The following MITF variants were observed in gnomAD, a reference collection of about 807,000 sequenced individuals.
MITF encodes melanocyte inducing transcription factor, also known as microphthalmia-associated transcription factor.
In MITF, 17 loss-of-function variants were observed where a neutral mutation model predicts 60.5. That is an observed-to-expected ratio of 0.28 (90% CI 0.19 to 0.42). The LOEUF (loss-of-function observed/expected upper bound fraction) is 0.42. Among genes scored for constraint, MITF ranks in the 10% least tolerant of loss-of-function variants. The pLI, the probability that MITF is intolerant of heterozygous loss-of-function variation, is 1.00. For synonymous variants in MITF, 260 were observed against 248.5 expected (o/e 1.05, Z -0.43); for missense variants, 622 against 683.5 (o/e 0.91, Z 1.00).
intron 2 of MITF, among the ~76,000 whole-genome samples, chr3:69,893,248 T>G (rs1233792788): frequency 1.3e-5 from 2 of 152,202 alleles, no homozygotes; most frequent in Non-Finnish European, 2.9e-5. Context: ...TGAACCTTGT[T>G]TCCTAGACCT....
At chr3:69,848,872 G>T (rs776802810) in intron 1 of MITF, among the ~76,000 whole-genome samples, 35 of 150,452 alleles carry the variant, frequency 2.3e-4, no homozygotes, top group Non-Finnish European at 3.5e-4. Context: ...TGATTAATGA[G>T]AATAAATTAT....
At chr3:69,848,589 A>G (rs1418881390) in intron 1 of MITF, among the ~76,000 whole-genome samples, 1 of 152,160 alleles carries the variant, frequency 6.6e-6, no homozygotes, top group Non-Finnish European at 1.5e-5. Flanking sequence ...GTTTTGTACC[A>G]TTTTTCTCTT....
rs1226483236 is a variant in MITF at position 69,967,060 on chromosome 3, A to C, written c.*1812A>C. On this transcript the variant is annotated 3_prime_UTR_variant, in exon 10 of 10. Transcript: ENST00000352241. Reference sequence around the variant, plus strand: ...AAACCTTATTCAGGAGGGTTTTTAAAAAGTGTTTAAATGTCAAATGTGAAT... The same window carrying C: ...AAACCTTATTCAGGAGGGTTTTTAACAAGTGTTTAAATGTCAAATGTGAAT... 8.6e-6 allele frequency: 2 copies of C among 232,222 alleles called. No individual in the cohort carries two copies. Among genetic ancestry groups the C allele is most frequent in the East Asian group, 1.2e-4 (2 of 16,426 alleles). The allele number at this position is 232,222 out of a possible 1,614,324, so 14.4% of individuals were successfully genotyped here. A position where few individuals can be genotyped will look rare whatever the true frequency, so the allele number is the denominator to read the frequency against.
chr3:69,746,954 A>G (rs1478025454), intron 1 of MITF, among the ~76,000 whole-genome samples: 1 of 152,058 alleles, frequency 6.6e-6, no homozygotes. Flanking sequence ...TGGCTTTCTT[A>G]TTTCTTCGCT....
chr3:69,740,203 C>T (rs762142645), intron 1 of MITF, among the ~76,000 whole-genome samples: 15 of 152,104 alleles, frequency 9.9e-5, no homozygotes, highest in Non-Finnish European at 1.6e-4. Context: ...TCTTGGGAGT[C>T]CGGTCTCTGT....
At chr3:69,873,129 A>G (rs2064275590) in intron 1 of MITF, among the ~76,000 whole-genome samples, 1 of 152,220 alleles carries the variant, frequency 6.6e-6, no homozygotes, top group Non-Finnish European at 1.5e-5. Context: ...AGGTGTTGAC[A>G]GAAGTCCAGA....
chr3:69,739,534 C>A lies in MITF; in HGVS notation c.-64C>A. On this transcript the variant is annotated 5_prime_UTR_variant, in exon 1 of 10. Coordinates refer to ENST00000352241, the MANE Select transcript of MITF (RefSeq NM_001354604.2). Reference sequence around the variant, plus strand: ...GGCTCGGGGGACCCAGGCCCAGCTACCTTCCCTCCGCCCCCGGGCTCTGTT... The same window carrying A: ...GGCTCGGGGGACCCAGGCCCAGCTAACTTCCCTCCGCCCCCGGGCTCTGTT... 1 of 1,446,020 alleles carries A rather than the reference C, an allele frequency of 6.9e-7. No individual in the cohort carries two copies. The highest frequency in any genetic ancestry group is 9.5e-7 in the Non-Finnish European group (1 of 1,051,268). The allele number at this position is 1,446,020 out of a possible 1,614,324, so 89.6% of individuals were successfully genotyped here.
chr3:69,845,012 G>A (rs900884027), intron 1 of MITF, among the ~76,000 whole-genome samples: 28 of 152,116 alleles, frequency 1.8e-4, no homozygotes, highest in Admixed American at 1.3e-3. Flanking sequence ...ATGTTTAACT[G>A]TAAACCCTCT....
In MITF at chr3:69,937,951, A is replaced by T; in HGVS notation, c.484A>T (p.Asn162Tyr). ...ANQVLSLPCP[N>Y]QPGDHVMPPV... Reference sequence around the variant, plus strand: ...CCAAGTCCTGAGCTTGCCATGTCCAAACCAGCCTGGCGATCATGTCATGCC... The same window carrying T: ...CCAAGTCCTGAGCTTGCCATGTCCATACCAGCCTGGCGATCATGTCATGCC... The change falls in exon 3 of 10, where the codon AAC (asparagine) becomes TAC (tyrosine). Residue 162 changes from asparagine to tyrosine, a missense_variant. Asn to Tyr is a moderately radical substitution (Grantham distance 143, BLOSUM62 -2). This residue lies in a region of MITF where 215 missense variants were observed against 224.8 expected (regional missense o/e 0.96). Transcript: ENST00000352241. 2 of 1,614,118 alleles carry T rather than the reference A, an allele frequency of 1.2e-6. No homozygotes were observed. The highest frequency in any genetic ancestry group is 2.7e-5 in the African/African-American group (2 of 75,056).
chr3:69,930,438 A>G (rs1183520952), intron 2 of MITF, among the ~76,000 whole-genome samples: 3 of 152,186 alleles, frequency 2.0e-5, no homozygotes, highest in Admixed American at 2.0e-4. Context: ...TGAGCAACCA[A>G]GGCTTGTTCA....
At chr3:69,811,671 A>G (rs1336261054) in intron 1 of MITF, among the ~76,000 whole-genome samples, 2 of 152,224 alleles carry the variant, frequency 1.3e-5, no homozygotes, top group African/African-American at 4.8e-5. Flanking sequence ...GCTGGCAAAC[A>G]CACAGCTAAC....
chr3:69,805,022 G>A (rs2062983025), intron 1 of MITF, among the ~76,000 whole-genome samples: 1 of 152,148 alleles, frequency 6.6e-6, no homozygotes, highest in South Asian at 2.1e-4. Context: ...GGTGTATTGT[G>A]GAGACATGTT....
rs372467718 is a variant in MITF, at chr3:69,877,640, G to A, written c.105-1494G>A. On this transcript the variant is annotated intron_variant, in intron 1 of 9. Transcript: ENST00000352241. ...CCAATTTCCTGTTGTGAAAATAAGC[G>A]AACTGTTAAATTGTTATTGTGTAGT... 1.1e-4 allele frequency among the ~76,000 whole-genome samples: 17 copies of A among 152,174 alleles called. No individual in the cohort carries two copies. In the East Asian group the frequency reaches 2.3e-3, roughly 21 times the overall value.
At chr3:69,913,829 A>G (rs1049930313) in intron 2 of MITF, among the ~76,000 whole-genome samples, 1 of 152,174 alleles carries the variant, frequency 6.6e-6, no homozygotes. Flanking sequence ...TCCCATATTC[A>G]AGATGATATA....
chr3:69,823,475 CT>C (rs2063308646), intron 1 of MITF, among the ~76,000 whole-genome samples: 1 of 152,124 alleles, frequency 6.6e-6, no homozygotes, highest in African/African-American at 2.4e-5. Context: ...TCTGGTGTCT[CT>C]TCTAATAAGG....
intron 2 of MITF, among the ~76,000 whole-genome samples, chr3:69,892,191 A>G (rs1277236790): frequency 6.6e-6 from 1 of 152,222 alleles, no homozygotes; most frequent in Non-Finnish European, 1.5e-5. Context: ...CCTGATCAAC[A>G]AAAACCAAAG....
intron 1 of MITF, among the ~76,000 whole-genome samples, chr3:69,813,944 A>G (rs569591965): frequency 6.6e-6 from 1 of 152,246 alleles, no homozygotes; most frequent in East Asian, 1.9e-4. Context: ...ATGTCCCTGG[A>G]AGATATTAGA....
chr3:69,919,014 C>T (rs1033466055), intron 2 of MITF, among the ~76,000 whole-genome samples: 6 of 152,176 alleles, frequency 3.9e-5, no homozygotes, highest in Admixed American at 2.6e-4. Context: ...AAATCTTTCT[C>T]TGTCTCTTCT....
intron 1 of MITF, among the ~76,000 whole-genome samples, chr3:69,786,837 A>G (rs1397135203): frequency 6.6e-6 from 1 of 152,200 alleles, no homozygotes; most frequent in Non-Finnish European, 1.5e-5. Context: ...AACTACAGCA[A>G]CAAAGGAGAT....
Sources: gnomAD v4.1 joint callset for allele counts (sites outside exome capture counted in the v4.1 genomes callset) on GRCh38, gnomAD v4.1.1 for gene constraint, gnomAD v4.1.1 regional missense constraint, MANE v1.5 for transcripts, NCBI Gene and HGNC (gene_info 2026-07-23, HGNC 2026-07-21) for gene names.